NSUN2: variants seen among roughly 807,000 people sequenced by gnomAD.
NSUN2 encodes the protein RNA cytosine C(5)-methyltransferase NSUN2.
In NSUN2, 63 loss-of-function variants were observed where a neutral mutation model predicts 92.7. That is an observed-to-expected ratio of 0.68 (90% CI 0.56 to 0.84). NSUN2 has a LOEUF of 0.84. Ranked by LOEUF, NSUN2 falls within the 40% of genes least tolerant of loss-of-function variation. NSUN2 has a pLI of 0.00. For missense variants in NSUN2, 989 were observed against 964.9 expected (o/e 1.02, Z -0.33); for synonymous variants, 356 against 348.3 (o/e 1.02, Z -0.25).
At chr5:6,604,846 C>T (rs573135530) in intron 15 of NSUN2, 161 bp from the exon 16 acceptor site, 135 of 641,174 alleles carry the variant, frequency 2.1e-4, no homozygotes, top group Non-Finnish European at 3.3e-4. Context: ...ATACTCACAA[C>T]TTGTGATTAC....
In NSUN2 at chr5:6,622,005, C is replaced by A; in HGVS notation, c.622+11G>T. The A allele has an allele frequency of 6.2e-7, 1 of 1,609,476 alleles. No homozygotes were observed. The highest frequency in any genetic ancestry group is 8.5e-7 in the Non-Finnish European group (1 of 1,175,840). On this transcript the variant is annotated intron_variant, in intron 6 of 18. Transcript: ENST00000264670. ...CATTCCTACCATTTTGAACACAAGT[C>A]CAATGCATACCTGGAAAGGGGACAT...
At chr5:6,617,883 T>G in intron 8 of NSUN2, 67 bp downstream of exon 8, 1 of 1,255,608 alleles carries the variant, frequency 8.0e-7, no homozygotes, top group South Asian at 1.3e-5. Flanking sequence ...GATGCTCACT[T>G]GCATAACAAT....
At position 6,632,586 on chromosome 5, in the gene NSUN2, A is replaced by G. The variant is rs1737968931; in HGVS notation, c.254+13T>C. The G allele has an allele frequency of 6.2e-7, 1 of 1,612,356 alleles. No homozygotes were observed. The highest frequency in any genetic ancestry group is 1.7e-5 in the Admixed American group (1 of 59,730). Reference sequence around the variant, plus strand: ...GGCCCCAACTCCCAAAAAATCAGGCACTGCCTCCCTACCTTTTGTAACCAG... The same window carrying G: ...GGCCCCAACTCCCAAAAAATCAGGCGCTGCCTCCCTACCTTTTGTAACCAG... On this transcript the variant is annotated intron_variant, in intron 2 of 18. Coordinates refer to ENST00000264670, the MANE Select transcript of NSUN2 (RefSeq NM_017755.6).
intron 14 of NSUN2, among the ~76,000 whole-genome samples, 182 bp from the exon 15 acceptor site, chr5:6,605,590 G>A (rs1425033070): frequency 6.6e-5 from 10 of 151,936 alleles, no homozygotes; most frequent in Admixed American, 3.9e-4. Context: ...AAACCTCCAC[G>A]TAACATTTAT....
chr5:6,632,258 G>A (rs1040081945), intron 2 of NSUN2, among the ~76,000 whole-genome samples: 9 of 152,004 alleles, frequency 5.9e-5, no homozygotes, highest in Non-Finnish European at 1.3e-4. Flanking sequence ...CAAAGATGGA[G>A]GGGGGGCGCG....
intron 14 of NSUN2, among the ~76,000 whole-genome samples, chr5:6,605,613 T>TC (rs1187658287): frequency 6.6e-6 from 1 of 151,788 alleles, no homozygotes; most frequent in African/African-American, 2.4e-5. Flanking sequence ...GGGGCACAAC[T>TC]CCATCAGAAA....
intron 3 of NSUN2, among the ~76,000 whole-genome samples, chr5:6,628,390 T>C (rs1391888602): frequency 6.6e-6 from 1 of 152,128 alleles, no homozygotes; most frequent in Non-Finnish European, 1.5e-5. Context: ...GATAATAAGG[T>C]GCACTCTGAA....
Position 6,611,956 on chromosome 5 carries a change from C to T in NSUN2, c.1022-158G>A, listed in dbSNP as rs34006880. ...CGTCGACAGAAAGTGGATGAGTGGC[C>T]GACGGGGTGGATGAGTGGCCGATGG... is the stretch of plus-strand genomic sequence containing the variant. On this transcript the variant is annotated intron_variant, in intron 9 of 18. Coordinates refer to ENST00000264670, the MANE Select transcript of NSUN2 (RefSeq NM_017755.6). 0.16 allele frequency among the ~76,000 whole-genome samples: 24,058 copies of T among 152,024 alleles called. 2,328 individuals carry two copies. The highest frequency in any genetic ancestry group is 0.23 in the Middle Eastern group (67 of 294).
intron 13 of NSUN2, 109 bp from the exon 14 acceptor site, chr5:6,607,021 G>T: frequency 1.0e-6 from 1 of 955,086 alleles, no homozygotes; most frequent in Non-Finnish European, 1.6e-6. Context: ...GGAACGGTTT[G>T]CGGCAGATGT....
intron 9 of NSUN2, among the ~76,000 whole-genome samples, chr5:6,613,962 T>A (rs1168207577): frequency 6.6e-6 from 1 of 151,896 alleles, no homozygotes; most frequent in Admixed American, 6.6e-5. Flanking sequence ...CTGGGCGTGG[T>A]GGCACATGCC....
chr5:6,617,798 A>G (rs1449082132), intron 8 of NSUN2, 152 bp downstream of exon 8: 9 of 521,886 alleles, frequency 1.7e-5, no homozygotes, highest in Non-Finnish European at 3.0e-5. Context: ...AAGGTTTTCA[A>G]ATAACTTCTG....
intron 18 of NSUN2, among the ~76,000 whole-genome samples, 188 bp from the exon 19 acceptor site, chr5:6,600,420 T>G (rs976099379): frequency 6.6e-6 from 1 of 152,226 alleles, no homozygotes; most frequent in African/African-American, 2.4e-5. Flanking sequence ...TCCTTCTTCA[T>G]GTCCTGAGTA....
rs181478386 is a variant in NSUN2, at chr5:6,599,818, T to C, written c.*108A>G. 3.1e-5 allele frequency: 29 copies of C among 931,714 alleles called. No individual in the cohort carries two copies. In the African/African-American group the frequency reaches 3.6e-4, roughly 12 times the overall value. 57.7% of individuals were successfully genotyped at this position (931,714 alleles called of 1,614,324 possible). On this transcript the variant is annotated 3_prime_UTR_variant, in exon 19 of 19. Coordinates refer to ENST00000264670, the MANE Select transcript of NSUN2 (RefSeq NM_017755.6). ...CACCAGTCTGCAGTCATTAGAAATA[T>C]ATGCTTTACAGGCCACAGGCTGCTC...
intron 1 of NSUN2, 49 bp downstream of exon 1, chr5:6,632,835 G>A: frequency 6.4e-7 from 1 of 1,551,756 alleles, no homozygotes; most frequent in South Asian, 1.2e-5. Flanking sequence ...TCGGGGTCCG[G>A]GAAGCCCAGG....
At chr5:6,605,595 A>G (rs1195178749) in intron 14 of NSUN2, among the ~76,000 whole-genome samples, 187 bp from the exon 15 acceptor site, 1 of 151,994 alleles carries the variant, frequency 6.6e-6, no homozygotes, top group South Asian at 2.1e-4. Context: ...TCCACGTAAC[A>G]TTTATTTGGG....
chr5:6,620,322 C>A, intron 6 of NSUN2, 24 bp from the exon 7 acceptor site: 2 of 1,515,096 alleles, frequency 1.3e-6, no homozygotes, highest in South Asian at 1.3e-5. Context: ...ATTGCAGTGT[C>A]AGGTGAAATG....
At chr5:6,630,238 G>A (rs948895775) in intron 3 of NSUN2, among the ~76,000 whole-genome samples, 60 of 152,142 alleles carry the variant, frequency 3.9e-4, no homozygotes, top group African/African-American at 1.3e-3. Flanking sequence ...TAACAGCAAC[G>A]TAGCACCCGT....
At chr5:6,630,408 C>T (rs1432867763) in intron 3 of NSUN2, among the ~76,000 whole-genome samples, 1 of 152,098 alleles carries the variant, frequency 6.6e-6, no homozygotes, top group African/African-American at 2.4e-5. Context: ...TGGGTTCAAG[C>T]GATTCTCATG....
Position 6,633,018 on chromosome 5 carries a change from C to A in NSUN2, c.-39G>T. 2 of 1,413,236 alleles carry A rather than the reference C, an allele frequency of 1.4e-6. No individual in the cohort carries two copies. Among genetic ancestry groups the A allele is most frequent in the Non-Finnish European group, 1.8e-6 (2 of 1,094,070 alleles). The allele number at this position is 1,413,236 out of a possible 1,614,324, so 87.5% of individuals were successfully genotyped here. A position where few individuals can be genotyped will look rare whatever the true frequency, so the allele number is the denominator to read the frequency against. On this transcript the variant is annotated 5_prime_UTR_variant, in exon 1 of 19. Transcript: ENST00000264670. ...GCGCACGCAGCACGCAGAAACCGGC[C>A]CGCCACGGCCAGAACTCTAGCCCTA...
Sources: allele counts gnomAD v4.1 joint callset (sites outside exome capture counted in the v4.1 genomes callset), GRCh38; gene constraint gnomAD v4.1.1; transcripts MANE v1.5; gene names NCBI Gene and HGNC (gene_info 2026-07-23, HGNC 2026-07-21).